The following PAN2 variants were observed in gnomAD, a reference collection of about 807,000 sequenced individuals.
The protein encoded by PAN2 is PAN2-PAN3 deadenylation complex catalytic subunit PAN2.
A neutral mutation model predicts 133.3 loss-of-function variants in PAN2; 68 were observed. The observed-to-expected ratio is 0.51, with a 90% CI of 0.42 to 0.62. The LOEUF is 0.62. Among genes scored for constraint, PAN2 ranks in the 20% least tolerant of loss-of-function variants. PAN2 has a pLI of 0.00. For missense variants in PAN2, 1,042 were observed against 1,500.5 expected, an observed-to-expected ratio of 0.69 and a Z score of 5.05; for synonymous variants, 462 against 544.6, an observed-to-expected ratio of 0.85 and a Z score of 2.11.
In PAN2 at chr12:56,327,420, G is replaced by A. The variant is rs779317080; in HGVS notation, c.863C>T (p.Ala288Val). 2 of 1,614,180 alleles carry A rather than the reference G, an allele frequency of 1.2e-6. No homozygotes were observed. Among genetic ancestry groups the A allele is most frequent in the Admixed American group, 1.7e-5 (1 of 60,030 alleles). The change falls in exon 6 of 26, where the codon GCC becomes GTC. Residue 288 changes from alanine (A) to valine (V), a missense_variant. Ala to Val is a moderately conservative substitution (Grantham distance 64, BLOSUM62 0). Coordinates refer to ENST00000440411, the MANE Select transcript of PAN2 (RefSeq NM_014871.6). ...ITPLQVHVDP[A>V]FLRFIPTYTS... ...ATATGTAGGAATGAAGCGCAAGAAG[G>A]CAGGATCCACATGTACTTGAAGTGG...
chr12:56,325,974 G>C (rs1384513528), intron 8 of PAN2, among the ~76,000 whole-genome samples: 1 of 152,122 alleles, frequency 6.6e-6, no homozygotes, highest in South Asian at 2.1e-4. Flanking sequence ...TTAATACCCA[G>C]CTCTTTCATT....
In PAN2 at chr12:56,319,140, A is replaced by G; in HGVS notation, c.3312T>C (p.His1104=). ...GGGAAATCATTCGTTTTCGGGGCAT[A>G]TGGAACAGGTAGACAGTGTCAAGGA... is the stretch of plus-strand genomic sequence containing the variant. ...DQVLDTVYLF[H]MPRKRMISLR... Residue 1104 remains histidine, a synonymous_variant, in exon 24 of 26, where the codon CAT becomes CAC. Coordinates refer to ENST00000440411, the MANE Select transcript of PAN2 (RefSeq NM_014871.6). The surrounding 1 kb of genome is among the most constrained non-coding windows in gnomAD (Gnocchi z 5.4). The G allele has an allele frequency of 1.2e-6, 2 of 1,614,160 alleles. No homozygotes were observed. Among genetic ancestry groups the G allele is most frequent in the South Asian group, 2.2e-5 (2 of 91,082 alleles).
rs1874045428 is a variant in PAN2 at position 56,317,551 on chromosome 12, C to G, written c.*58G>C. The G allele has an allele frequency of 6.6e-7, 1 of 1,506,282 alleles. No individual in the cohort carries two copies. The highest frequency in any genetic ancestry group is 1.4e-5 in the African/African-American group (1 of 72,848). The allele number at this position is 1,506,282 out of a possible 1,614,324, so 93.3% of individuals were successfully genotyped here. On this transcript the variant is annotated 3_prime_UTR_variant, in exon 26 of 26. Transcript: ENST00000440411. ...ATAGCCAACTTAGGAAGCCATCTCC[C>G]AGTTCTGGGGCTATAGAACAGTAAA...
intron 6 of PAN2, 56 bp downstream of exon 6, chr12:56,327,308 T>A: frequency 1.3e-6 from 2 of 1,579,690 alleles, no homozygotes; most frequent in East Asian, 2.2e-5. Flanking sequence ...TCCTTCGGGT[T>A]CTAGCTCTCC....
In PAN2 at chr12:56,331,700, GT is replaced by G. The variant is rs67869491; in HGVS notation, c.282+1112del. 3.0e-3 allele frequency among the ~76,000 whole-genome samples: 370 copies of G among 125,312 alleles called. 3 individuals are homozygous for G. The highest frequency in any genetic ancestry group is 8.7e-3 in the African/African-American group (322 of 37,164). The allele number at this position is 125,312 out of a possible 152,430, so 82.2% of individuals were successfully genotyped here. The stretch of plus-strand genomic sequence containing the variant: ...AGTCAATCAGTAAATGAAGGACAGC[GT>G]TTTTTTTTTTTTTGTTTTTTGTTTT... On this transcript the variant is annotated intron_variant, in intron 2 of 25. Coordinates refer to ENST00000440411, the MANE Select transcript of PAN2 (RefSeq NM_014871.6).
In PAN2 at chr12:56,326,397, G is replaced by A. The variant is rs376725768; in HGVS notation, c.1275C>T (p.Pro425=). Residue 425 remains proline, a synonymous_variant, in exon 8 of 26, where the codon CCC becomes CCT. Coordinates refer to ENST00000440411, the MANE Select transcript of PAN2 (RefSeq NM_014871.6). ...TGGTGCGCAGAATCTCTGCATCCACGGGTGGTGCTCGCCTACAATCCAGCA... is the reference window on the plus strand; with the variant it reads ...TGGTGCGCAGAATCTCTGCATCCACAGGTGGTGCTCGCCTACAATCCAGCA... ...NSAPAPRRAP[P]VDAEILRTMK... is the part of the protein sequence containing the mutation. 1.2e-5 allele frequency: 19 copies of A among 1,593,736 alleles called. No homozygotes were observed. Among genetic ancestry groups the A allele is most frequent in the Middle Eastern group, 1.9e-4 (1 of 5,188 alleles).
At chr12:56,327,038 CCT>C (rs565692077) in intron 6 of PAN2, 79 bp from the exon 7 acceptor site, 164 of 1,239,412 alleles carry the variant, frequency 1.3e-4, no homozygotes, top group Non-Finnish European at 1.7e-4. Flanking sequence ...ATCCTCTTCC[CCT>C]GATTTCAGGA....
chr12:56,327,970 GGGA>G, intron 5 of PAN2, 22 bp downstream of exon 5: 1 of 1,613,680 alleles, frequency 6.2e-7, no homozygotes, highest in South Asian at 1.1e-5. Context: ...GCCCTGCAGT[GGGA>G]GGAGAAATGG....
At chr12:56,320,120 G>T in intron 20 of PAN2, 99 bp from the exon 21 acceptor site, 1 of 1,086,266 alleles carries the variant, frequency 9.2e-7, no homozygotes, top group Non-Finnish European at 1.4e-6. Flanking sequence ...TCTTCACTGT[G>T]ATCCCTCAAT....
chr12:56,330,441 G>A (rs1051942327), intron 2 of PAN2, among the ~76,000 whole-genome samples: 2 of 123,748 alleles, frequency 1.6e-5, no homozygotes, highest in Non-Finnish European at 3.3e-5. Context: ...CTCACTGCAA[G>A]CTCCGCCTCC....
Position 56,317,637 on chromosome 12 carries a change from G to T in PAN2, c.3569C>A (p.Ala1190Asp). Reference sequence around the variant, plus strand: ...GAGCGCCAGCACTGAGGAGAAGACAGCTGCATCTGTCAGAGACAAAACCAA... The same window carrying T: ...GAGCGCCAGCACTGAGGAGAAGACATCTGCATCTGTCAGAGACAAAACCAA... ...PEGQTSPKNA[A>D]VFSSVLAL The change falls in exon 26 of 26, where the codon GCT (alanine) becomes GAT (aspartate). Residue 1190 changes from alanine (A) to aspartate (D), a missense_variant. By Grantham distance (126) the Ala-to-Asp change is moderately radical. Around this residue, in one of 3 missense-constraint regions of PAN2, gnomAD observed 85 missense variants for 116.5 expected, o/e 0.73. Transcript: ENST00000440411. 3 of 1,613,658 alleles carry T rather than the reference G, an allele frequency of 1.9e-6. No individual in the cohort carries two copies. The highest frequency in any genetic ancestry group is 2.5e-6 in the Non-Finnish European group (3 of 1,179,672).
intron 2 of PAN2, among the ~76,000 whole-genome samples, chr12:56,331,700 GTTTTT>G (rs67869491): frequency 8.0e-6 from 1 of 125,332 alleles, no homozygotes; most frequent in Non-Finnish European, 1.9e-5. Flanking sequence ...GAAGGACAGC[GTTTTT>G]TTTTTTTTTG....
rs767254549 is a variant in PAN2 at position 56,323,378 on chromosome 12, A to G, written c.2278T>C (p.Phe760Leu). The G allele has an allele frequency of 1.9e-6, 3 of 1,613,864 alleles. No homozygotes were observed. The highest frequency in any genetic ancestry group is 2.2e-5 in the South Asian group (2 of 91,018). ...CCGTGTTTCTTTACTGCCATCTTGA[A>G]GGCAACCTGAACACAGAAGAAAAAC... ...DFWRMQAEVA[F>L]KMAVKKHGGE... Residue 760 changes from phenylalanine to leucine, a missense_variant, in exon 16 of 26, where the codon TTC becomes CTC. Physicochemically the swap from Phe to Leu is conservative, Grantham distance 22 (BLOSUM62 0). Transcript: ENST00000440411.
At chr12:56,323,687 A>G in intron 14 of PAN2, 89 bp from the exon 15 acceptor site, 1 of 1,402,944 alleles carries the variant, frequency 7.1e-7, no homozygotes, top group Non-Finnish European at 1.0e-6. Context: ...TCAAACTGGG[A>G]TTCCTCACTC....
chr12:56,333,140 A>G lies in PAN2; in HGVS notation c.-46T>C. Reference sequence around the variant, plus strand: ...CCTGTGTCACACCCTCCCTTACCACAGTCCCTTTAGATGCCTGACCCAACC... The same window carrying G: ...CCTGTGTCACACCCTCCCTTACCACGGTCCCTTTAGATGCCTGACCCAACC... On this transcript the variant is annotated 5_prime_UTR_variant, in exon 2 of 26. Transcript: ENST00000440411. The G allele has an allele frequency of 1.9e-6, 3 of 1,595,750 alleles. No homozygotes were observed. Among genetic ancestry groups the G allele is most frequent in the Non-Finnish European group, 1.7e-6 (2 of 1,167,426 alleles).
Position 56,323,546 on chromosome 12 carries a change from T to C in PAN2, c.2225A>G (p.Glu742Gly). 6.2e-7 allele frequency: 1 copy of C among 1,614,170 alleles called. No individual in the cohort carries two copies. The highest frequency in any genetic ancestry group is 8.5e-7 in the Non-Finnish European group (1 of 1,180,018). ...ATCAGCCTCTTTTGAGCTGTTCACC[T>C]CACAATTGATGACAAGAATATCTGG... ...HLPDILVINC[E>G]VNSSKEADFW... The change falls in exon 15 of 26, where the codon GAG becomes GGG. Residue 742 changes from glutamate to glycine, a missense_variant. Coordinates refer to ENST00000440411, the MANE Select transcript of PAN2 (RefSeq NM_014871.6).
chr12:56,332,480 A>ATTGAGAT (rs1876004940), intron 2 of PAN2, among the ~76,000 whole-genome samples: 6 of 151,970 alleles, frequency 3.9e-5, no homozygotes, highest in Admixed American at 3.9e-4. Context: ...CTGTAGTCCC[A>ATTGAGAT]GCTACTTGAG....
chr12:56,324,691 G>A lies in PAN2; in HGVS notation c.1618C>T (p.Pro540Ser), dbSNP rs776681052. Residue 540 changes from proline (P) to serine (S), a missense_variant, in exon 11 of 26, where the codon CCT (proline) becomes TCT (serine). By Grantham distance (74) the Pro-to-Ser change is moderately conservative. This residue lies in a region of PAN2 where 908 missense variants were observed against 1,223.5 expected (regional missense o/e 0.74). Coordinates refer to ENST00000440411, the MANE Select transcript of PAN2 (RefSeq NM_014871.6). ...TGGTTTTGAATTAGACAGCGTACAGGCTCCAGGAAATAGAGCACCTGGAGG... is the reference window on the plus strand; with the variant it reads ...TGGTTTTGAATTAGACAGCGTACAGACTCCAGGAAATAGAGCACCTGGAGG... ...CMIQVLYFLE[P>S]VRCLIQNHLC... 1 of 1,613,610 alleles carries A rather than the reference G, an allele frequency of 6.2e-7. No individual in the cohort carries two copies. The highest frequency in any genetic ancestry group is 1.3e-5 in the African/African-American group (1 of 74,888).
At chr12:56,325,543 A>G in intron 8 of PAN2, 89 bp from the exon 9 acceptor site, 1 of 1,413,264 alleles carries the variant, frequency 7.1e-7, no homozygotes, top group Non-Finnish European at 9.8e-7. Context: ...ACAGCCACCA[A>G]GTCCTGAACC....
Sources: allele counts gnomAD v4.1 joint callset (sites outside exome capture counted in the v4.1 genomes callset), GRCh38; gene constraint gnomAD v4.1.1; regional missense constraint gnomAD v4.1.1; non-coding constraint Gnocchi (gnomAD v3.1); transcripts MANE v1.5; gene names NCBI Gene and HGNC (gene_info 2026-07-23, HGNC 2026-07-21).